The following OTUD3 variants were observed in gnomAD, a reference collection of about 807,000 sequenced individuals.
OTUD3 encodes OTU deubiquitinase 3.
A neutral mutation model predicts 46.2 loss-of-function variants in OTUD3; 24 were observed. The ratio of observed to expected loss-of-function variants is 0.52; its 90% CI spans 0.38 to 0.73. The LOEUF (loss-of-function observed/expected upper bound fraction) is 0.73. Ranked by LOEUF, OTUD3 falls within the 30% of genes least tolerant of loss-of-function variation. The pLI is 0.00. For synonymous variants in OTUD3, 189 were observed against 195.4 expected (o/e 0.97, Z 0.27); for missense variants, 455 against 523.3 (o/e 0.87, Z 1.27).
At chr1:19,898,959 C>T (rs1026231542) in intron 4 of OTUD3, among the ~76,000 whole-genome samples, 4 of 151,996 alleles carry the variant, frequency 2.6e-5, no homozygotes, top group East Asian at 1.9e-4. Context: ...TACAGGTGTG[C>T]GCCACCATGC....
At chr1:19,906,350 G>T in intron 6 of OTUD3, 82 bp from the exon 7 acceptor site, 1 of 1,234,016 alleles carries the variant, frequency 8.1e-7, no homozygotes, top group East Asian at 2.5e-5. Flanking sequence ...AGGGACCCAG[G>T]TAATTTTGGA....
chr1:19,904,742 C>T (rs771961031), intron 5 of OTUD3, 149 bp from the exon 6 acceptor site: 71 of 591,164 alleles, frequency 1.2e-4, no homozygotes, highest in African/African-American at 7.7e-4. Flanking sequence ...TATTGGAAAT[C>T]GACATTTTTC....
chr1:19,886,232 T>C (rs1318078541), intron 1 of OTUD3, among the ~76,000 whole-genome samples: 1 of 152,238 alleles, frequency 6.6e-6, no homozygotes, highest in African/African-American at 2.4e-5. Context: ...AATATTAACA[T>C]CCCTCTGAAC....
intron 4 of OTUD3, chr1:19,897,949 T>C: frequency 6.2e-6 from 1 of 160,256 alleles, no homozygotes; most frequent in Non-Finnish European, 1.3e-5. Context: ...ATCCACACCT[T>C]TTTTTTTTTT....
chr1:19,903,245 T>G (rs2100310468), intron 4 of OTUD3, among the ~76,000 whole-genome samples: 1 of 152,118 alleles, frequency 6.6e-6, no homozygotes, highest in South Asian at 2.1e-4. Flanking sequence ...AGAGACGGGA[T>G]GTCACTTTGT....
At chr1:19,890,327 T>C in intron 1 of OTUD3, 58 bp from the exon 2 acceptor site, 1 of 1,538,756 alleles carries the variant, frequency 6.5e-7, no homozygotes, top group Non-Finnish European at 9.0e-7. Flanking sequence ...AGCATCATTG[T>C]TTTAGACGAA....
At position 19,904,969 on chromosome 1, in the gene OTUD3, AACC is replaced by A. The variant is rs1348998433; in HGVS notation, c.819_821del (p.Asn273_Gln274delinsLys). 6.4e-7 allele frequency: 1 copy of A among 1,570,838 alleles called. No individual in the cohort carries two copies. The highest frequency in any genetic ancestry group is 8.8e-7 in the Non-Finnish European group (1 of 1,141,788). On this transcript the variant is annotated inframe_deletion, in exon 6 of 8. Transcript: ENST00000375120. ...TGCAATAATTGCCGTGCTTCGGATG[AACC>A]AAGGGAAGAGAAATAGTAAGTCCAT...
At chr1:19,899,308 T>C (rs1449163634) in intron 4 of OTUD3, among the ~76,000 whole-genome samples, 1 of 152,178 alleles carries the variant, frequency 6.6e-6, no homozygotes, top group Non-Finnish European at 1.5e-5. Flanking sequence ...TGTGCACATA[T>C]TCCACTTTTG....
At chr1:19,892,619 C>T (rs2045463041) in intron 2 of OTUD3, among the ~76,000 whole-genome samples, 1 of 152,132 alleles carries the variant, frequency 6.6e-6, no homozygotes, top group Non-Finnish European at 1.5e-5. Context: ...ATTCTTAATG[C>T]TTATCTTCCT....
intron 1 of OTUD3, among the ~76,000 whole-genome samples, chr1:19,888,841 T>G (rs774104636): frequency 6.6e-6 from 1 of 152,254 alleles, no homozygotes; most frequent in Non-Finnish European, 1.5e-5. Context: ...TGTCTGTGTA[T>G]GTGTATAGTG....
intron 2 of OTUD3, 109 bp downstream of exon 2, chr1:19,890,642 C>T (rs1452317342): frequency 6.2e-6 from 6 of 970,562 alleles, no homozygotes; most frequent in Non-Finnish European, 6.4e-6. Flanking sequence ...TAAATCACGA[C>T]ATTCATTTAT....
chr1:19,882,826 C>A, intron 1 of OTUD3, 92 bp downstream of exon 1: 2 of 1,157,672 alleles, frequency 1.7e-6, no homozygotes, highest in South Asian at 3.2e-5. Flanking sequence ...TCCATCCATT[C>A]ATTCGGGCGG....
chr1:19,906,409 A>G (rs2045661329), intron 6 of OTUD3, 23 bp from the exon 7 acceptor site: 1 of 1,609,930 alleles, frequency 6.2e-7, no homozygotes, highest in South Asian at 1.1e-5. Flanking sequence ...TCTCAGTTTT[A>G]ATGAAATGTC....
intron 4 of OTUD3, among the ~76,000 whole-genome samples, chr1:19,900,041 G>A (rs893931925): frequency 9.2e-5 from 14 of 152,096 alleles, no homozygotes; most frequent in African/African-American, 3.4e-4. Flanking sequence ...TTCTCCTGTG[G>A]TCTTTGCTAT....
chr1:19,903,789 C>T (rs1017596192), intron 4 of OTUD3, among the ~76,000 whole-genome samples: 2 of 152,238 alleles, frequency 1.3e-5, no homozygotes, highest in Admixed American at 6.5e-5. Flanking sequence ...CCAGCTGGGA[C>T]GGGAGCTTCA....
intron 3 of OTUD3, among the ~76,000 whole-genome samples, chr1:19,895,367 CACT>C (rs1050188082): frequency 1.4e-4 from 22 of 152,170 alleles, no homozygotes; most frequent in Admixed American, 7.9e-4. Flanking sequence ...ATGTAACCAC[CACT>C]ACTATCAACA....
At chr1:19,896,370 AAT>A (rs5772875) in intron 3 of OTUD3, among the ~76,000 whole-genome samples, 148,772 of 150,960 alleles carry the variant, frequency 0.99, 73,345 homozygotes, top group East Asian at 1. Context: ...TTCTATTCAT[AAT>A]ATATATATAT....
Position 19,904,878 on chromosome 1 carries a change from G to A in OTUD3, c.739-13G>A, listed in dbSNP as rs779070449. On this transcript the variant is annotated splice_polypyrimidine_tract_variant and intron_variant, in intron 5 of 7. Transcript: ENST00000375120. ...TTTGAAGTGGTTTTTTTGTTTGTTT[G>A]TTTCTTGGATAGGATTTTAATTTAA... 2.2e-6 allele frequency: 3 copies of A among 1,346,596 alleles called. No homozygotes were observed. The African/African-American group carries it at 4.4e-5, about 20-fold the overall frequency. 83.4% of individuals were successfully genotyped at this position (1,346,596 alleles called of 1,614,324 possible). A position where few individuals can be genotyped will look rare whatever the true frequency, so the allele number is the denominator to read the frequency against.
chr1:19,903,428 C>T (rs2045619063), intron 4 of OTUD3, among the ~76,000 whole-genome samples: 1 of 152,110 alleles, frequency 6.6e-6, no homozygotes, highest in Non-Finnish European at 1.5e-5. Context: ...TCAAAGACTC[C>T]TGTAACTTTG....
Sources: allele counts gnomAD v4.1 joint callset (sites outside exome capture counted in the v4.1 genomes callset), GRCh38; gene constraint gnomAD v4.1.1; transcripts MANE v1.5; gene names NCBI Gene and HGNC (gene_info 2026-07-23, HGNC 2026-07-21).